Variants in ZMAT4 observed in about 807,000 individuals in gnomAD.
ZMAT4 encodes zinc finger matrin-type protein 4.
ZMAT4 carries 17 observed loss-of-function variants against 28.7 expected under a neutral mutation model. The ratio of observed to expected loss-of-function variants is 0.59; its 90% confidence interval spans 0.41 to 0.89. The LOEUF (loss-of-function observed/expected upper bound fraction) is 0.89, where lower values mean the gene tolerates loss of function less well. Among genes scored for constraint, ZMAT4 ranks in the 40% least tolerant of loss-of-function variants. ZMAT4 has a pLI of 0.00. For synonymous variants in ZMAT4, 117 were observed against 109.2 expected (o/e 1.07, Z -0.44); for missense variants, 240 against 283.8 (o/e 0.85, Z 1.11).
chr8:40,586,367 C>G (rs1317110196), intron 5 of ZMAT4, among the ~76,000 whole-genome samples: 4 of 152,114 alleles, frequency 2.6e-5, no homozygotes, highest in Non-Finnish European at 2.9e-5. Flanking sequence ...GCAGGATTGC[C>G]TAATATGTGT....
At chr8:40,712,159 C>T (rs1479131276) in intron 3 of ZMAT4, among the ~76,000 whole-genome samples, 1 of 152,126 alleles carries the variant, frequency 6.6e-6, no homozygotes, top group East Asian at 1.9e-4. Context: ...ATAAGGAGTT[C>T]AATTGAGATA....
chr8:40,645,860 C>T (rs150381039), intron 5 of ZMAT4, among the ~76,000 whole-genome samples: 1,619 of 152,054 alleles, frequency 0.011, 16 homozygotes, highest in Non-Finnish European at 0.017. Flanking sequence ...TAACCATATA[C>T]AGTAATATGT....
intron 5 of ZMAT4, among the ~76,000 whole-genome samples, chr8:40,639,402 T>A (rs1806921571): frequency 6.6e-6 from 1 of 152,038 alleles, no homozygotes; most frequent in African/African-American, 2.4e-5. Context: ...AACATCGGGA[T>A]CTCCAGCTAC....
At chr8:40,876,004 A>G (rs1818030190) in intron 1 of ZMAT4, among the ~76,000 whole-genome samples, 1 of 152,198 alleles carries the variant, frequency 6.6e-6, no homozygotes, top group Non-Finnish European at 1.5e-5. Context: ...CACCAGCACC[A>G]CAGAAGAGGA....
intron 1 of ZMAT4, among the ~76,000 whole-genome samples, chr8:40,854,969 T>C (rs1204863653): frequency 1.3e-5 from 2 of 152,174 alleles, no homozygotes; most frequent in African/African-American, 4.8e-5. Context: ...CAAAAATTGA[T>C]TTAATGAAAG....
intron 2 of ZMAT4, among the ~76,000 whole-genome samples, chr8:40,780,566 A>T (rs956968334): frequency 6.6e-6 from 1 of 152,244 alleles, no homozygotes. Context: ...TGAAACAAAA[A>T]TATTGGAATA....
At chr8:40,763,943 G>C (rs952760059) in intron 3 of ZMAT4, among the ~76,000 whole-genome samples, 1 of 151,978 alleles carries the variant, frequency 6.6e-6, no homozygotes, top group African/African-American at 2.4e-5. Flanking sequence ...TGCGATTTTG[G>C]TCAGCAGTTA....
chr8:40,792,000 A>T (rs1563487125), intron 2 of ZMAT4, among the ~76,000 whole-genome samples: 1 of 152,220 alleles, frequency 6.6e-6, no homozygotes, highest in Non-Finnish European at 1.5e-5. Flanking sequence ...GCATGCAATG[A>T]GTTCACCTCT....
chr8:40,733,386 G>A (rs1484027341), intron 3 of ZMAT4, among the ~76,000 whole-genome samples: 4 of 152,168 alleles, frequency 2.6e-5, no homozygotes, highest in Admixed American at 2.0e-4. Flanking sequence ...AAGTCAGAGA[G>A]AGGGTAACTG....
At chr8:40,814,163 T>C (rs1453055763) in intron 2 of ZMAT4, among the ~76,000 whole-genome samples, 2 of 152,196 alleles carry the variant, frequency 1.3e-5, no homozygotes. Context: ...CATCTTAGTA[T>C]AGAAGACTGA....
At chr8:40,823,072 G>A (rs1369796768) in intron 2 of ZMAT4, among the ~76,000 whole-genome samples, 1 of 152,004 alleles carries the variant, frequency 6.6e-6, no homozygotes, top group Non-Finnish European at 1.5e-5. Context: ...TCAATGTTCT[G>A]ACGTTACTTT....
chr8:40,889,907 G>T (rs1481584606), intron 1 of ZMAT4, among the ~76,000 whole-genome samples: 1 of 152,074 alleles, frequency 6.6e-6, no homozygotes, highest in Non-Finnish European at 1.5e-5. Context: ...ATATTTTTTT[G>T]AGACACATCT....
intron 5 of ZMAT4, among the ~76,000 whole-genome samples, chr8:40,637,522 G>C (rs1182067817): frequency 2.0e-5 from 3 of 152,198 alleles, no homozygotes; most frequent in Non-Finnish European, 2.9e-5. Flanking sequence ...CCCAGAAAGA[G>C]AGAGAGGGAG....
chr8:40,644,349 G>T (rs1273702148), intron 5 of ZMAT4, among the ~76,000 whole-genome samples: 1 of 152,030 alleles, frequency 6.6e-6, no homozygotes, highest in Non-Finnish European at 1.5e-5. Flanking sequence ...TTTACAAAAT[G>T]AGCCTTGAGC....
intron 6 of ZMAT4, among the ~76,000 whole-genome samples, chr8:40,562,682 C>G (rs934898744): frequency 6.6e-6 from 1 of 151,990 alleles, no homozygotes. Context: ...GAAACTTCTA[C>G]AAAACTCCCC....
intron 4 of ZMAT4, among the ~76,000 whole-genome samples, chr8:40,686,235 C>T (rs758563646): frequency 4.0e-5 from 6 of 151,892 alleles, no homozygotes; most frequent in Non-Finnish European, 8.8e-5. Flanking sequence ...AAATCACAGG[C>T]GAGGCACGAT....
intron 6 of ZMAT4, among the ~76,000 whole-genome samples, chr8:40,559,315 A>G (rs946446250): frequency 6.6e-6 from 1 of 152,156 alleles, no homozygotes; most frequent in Non-Finnish European, 1.5e-5. Flanking sequence ...GCCTAATTAT[A>G]ATACTTAAAT....
At chr8:40,776,801 A>G (rs941751848) in intron 2 of ZMAT4, among the ~76,000 whole-genome samples, 7 of 152,228 alleles carry the variant, frequency 4.6e-5, no homozygotes, top group Admixed American at 2.0e-4. Flanking sequence ...CCTGAGCTAC[A>G]GTTTCTGATG....
intron 1 of ZMAT4, among the ~76,000 whole-genome samples, chr8:40,862,584 T>TAAAAAAAA (rs398007582): frequency 9.1e-6 from 1 of 109,950 alleles, no homozygotes; most frequent in African/African-American, 3.5e-5. Flanking sequence ...AAAAAAAAAT[T>TAAAAAAAA]AAAAAAAAAA....
Sources: allele counts gnomAD v4.1 joint callset (sites outside exome capture counted in the v4.1 genomes callset), GRCh38; gene constraint gnomAD v4.1.1; transcripts MANE v1.5; gene names NCBI Gene and HGNC (gene_info 2026-07-23, HGNC 2026-07-21).